ACTN1: variants seen among roughly 807,000 people sequenced by gnomAD.
The protein encoded by ACTN1 is alpha-actinin-1.
Under a neutral mutation model 119.6 loss-of-function variants are expected in ACTN1, and 30 were observed. The ratio of observed to expected loss-of-function variants is 0.25; its 90% CI spans 0.19 to 0.34. ACTN1 has a LOEUF of 0.34. Ranked by LOEUF, ACTN1 falls within the 10% of genes least tolerant of loss-of-function variation. The pLI, the probability that ACTN1 is intolerant of heterozygous loss-of-function variation, is 1.00. For synonymous variants in ACTN1, 429 were observed against 472.6 expected (o/e 0.91, Z 1.20); for missense variants, 764 against 1,223.4 (o/e 0.62, Z 5.60).
At chr14:68,929,858 TG>T (rs1239283056) in intron 1 of ACTN1, among the ~76,000 whole-genome samples, 1 of 152,086 alleles carries the variant, frequency 6.6e-6, no homozygotes, top group Admixed American at 6.6e-5. Context: ...AGTTTGAAGG[TG>T]GTTTGAGGAG....
chr14:68,916,396 T>TC (rs2034296349), intron 3 of ACTN1, among the ~76,000 whole-genome samples: 1 of 152,178 alleles, frequency 6.6e-6, no homozygotes, highest in South Asian at 2.1e-4. Flanking sequence ...TTATTCCTCT[T>TC]CTTCTTCCCC....
chr14:68,960,210 G>C (rs1005031373), intron 1 of ACTN1, among the ~76,000 whole-genome samples: 7 of 152,114 alleles, frequency 4.6e-5, no homozygotes, highest in African/African-American at 1.7e-4. Context: ...AGGCAGGAGA[G>C]GCAGGCACAG....
At chr14:68,893,843 G>T in intron 8 of ACTN1, 96 bp from the exon 9 acceptor site, 2 of 1,160,128 alleles carry the variant, frequency 1.7e-6, no homozygotes, top group Non-Finnish European at 2.5e-6. Context: ...CATCCCTGCA[G>T]CTCCCTGTGG....
At chr14:68,875,350 T>TA (rs1566583384) in intron 21 of ACTN1, among the ~76,000 whole-genome samples, 1 of 152,244 alleles carries the variant, frequency 6.6e-6, no homozygotes, top group Non-Finnish European at 1.5e-5. Context: ...TATCAGCAGA[T>TA]ACTCTGGTGG....
At position 68,909,925 on chromosome 14, in the gene ACTN1, T is replaced by C. The variant is rs2033902168; in HGVS notation, c.515+30A>G. On this transcript the variant is annotated intron_variant, in intron 5 of 21. Transcript: ENST00000394419. This position sits in a 1 kb window ranked among gnomAD's most constrained non-coding sequence, Gnocchi z 4.1. ...GCTCCCGGGGGAGGCAGCCTGGTTC[T>C]GTGAGAGCCCCTCAGACCCCAGCAC... The C allele has an allele frequency of 6.2e-7, 1 of 1,601,546 alleles. No individual in the cohort carries two copies. The highest frequency in any genetic ancestry group is 8.6e-7 in the Non-Finnish European group (1 of 1,169,200).
chr14:68,884,665 C>G (rs2031845314), intron 13 of ACTN1, 110 bp downstream of exon 13: 27 of 966,420 alleles, frequency 2.8e-5, no homozygotes, highest in Non-Finnish European at 4.2e-5. Flanking sequence ...TGGGGGAGGT[C>G]TGGGGAAGCC....
chr14:68,948,094 G>A (rs1333617884), intron 1 of ACTN1, among the ~76,000 whole-genome samples: 2 of 152,234 alleles, frequency 1.3e-5, no homozygotes, highest in Non-Finnish European at 2.9e-5. Context: ...CCTCTCCCAG[G>A]GGAGTAGGGC....
chr14:68,895,710 C>A (rs2032825238), intron 8 of ACTN1, among the ~76,000 whole-genome samples: 1 of 152,342 alleles, frequency 6.6e-6, no homozygotes, highest in Non-Finnish European at 1.5e-5. Flanking sequence ...GCCACCTTCA[C>A]CTTGTTACTC....
At position 68,880,849 on chromosome 14, in the gene ACTN1, C is replaced by T. The variant is rs745650223; in HGVS notation, c.2094G>A (p.Ala698=). The part of the protein sequence containing the change: ...LEGDHQLIQE[A]LIFDNKHTNY... ...TGGTGTGCTTGTTGTCGAAGATGAG[C>T]GCCTCCTGGATGAGCTGGTGGTCGC... The change falls in exon 17 of 22, where the codon GCG becomes GCA. Residue 698 remains alanine (A), a synonymous_variant. Coordinates refer to ENST00000394419, the MANE Select transcript of ACTN1 (RefSeq NM_001130004.2). The surrounding 1 kb of genome is among the most constrained non-coding windows in gnomAD (Gnocchi z 4.6). 18 of 1,614,032 alleles carry T rather than the reference C, an allele frequency of 1.1e-5. No homozygotes were observed. Among genetic ancestry groups the T allele is most frequent in the Middle Eastern group, 1.6e-4 (1 of 6,082 alleles).
chr14:68,929,709 T>G (rs547485162), intron 1 of ACTN1, among the ~76,000 whole-genome samples: 19 of 152,276 alleles, frequency 1.2e-4, no homozygotes, highest in African/African-American at 4.3e-4. Context: ...TGTTCCCCTC[T>G]CAGCAGCCCT....
At position 68,909,359 on chromosome 14, in the gene ACTN1, G is replaced by C. The variant is rs1268659963; in HGVS notation, c.553C>G (p.Arg185Gly). 1 of 1,613,916 alleles carries C rather than the reference G, an allele frequency of 6.2e-7. No individual in the cohort carries two copies. The highest frequency in any genetic ancestry group is 8.5e-7 in the Non-Finnish European group (1 of 1,179,996). The change falls in exon 6 of 22, where the codon CGA becomes GGA. Residue 185 changes from arginine (R) to glycine (G), a missense_variant. Arg to Gly is a moderately radical substitution (Grantham distance 125). Around this residue, in one of 4 missense-constraint regions of ACTN1, gnomAD observed 544 missense variants for 912.0 expected, o/e 0.60. Coordinates refer to ENST00000394419, the MANE Select transcript of ACTN1 (RefSeq NM_001130004.2). The surrounding 1 kb of genome is among the most constrained non-coding windows in gnomAD (Gnocchi z 4.1). ...TAGTCAATCAGCTCGGGCCGGTGTC[G>C]GTGGATCAAAGCACAGAAGCCGAGG... is the stretch of plus-strand genomic sequence containing the variant. ...DGLGFCALIH[R>G]HRPELIDYGK...
intron 1 of ACTN1, among the ~76,000 whole-genome samples, chr14:68,939,805 T>C (rs1405542070): frequency 6.6e-6 from 1 of 152,236 alleles, no homozygotes; most frequent in Non-Finnish European, 1.5e-5. Flanking sequence ...AATAAAGCTG[T>C]TATTTCTCTT....
chr14:68,947,525 C>T (rs1188301486), intron 1 of ACTN1: 1 of 152,312 alleles, frequency 6.6e-6, no homozygotes, highest in Admixed American at 6.5e-5. Context: ...CTTGCCTCCA[C>T]ACCAGTGCTG....
chr14:68,950,462 G>GTGTGTATATATGTGTGTGTATATATA, intron 1 of ACTN1, among the ~76,000 whole-genome samples: 2 of 125,906 alleles, frequency 1.6e-5, no homozygotes, highest in African/African-American at 8.2e-5. Flanking sequence ...ATGCGTGTGT[G>GTGTGTATATATGTGTGTGTATATATA]TATATATATA....
At chr14:68,876,710 T>C (rs1249900650) in intron 21 of ACTN1, among the ~76,000 whole-genome samples, 1 of 152,130 alleles carries the variant, frequency 6.6e-6, no homozygotes, top group Admixed American at 6.5e-5. Flanking sequence ...CCTGCTCCCA[T>C]TATAGTCCGT....
At chr14:68,975,443 T>C (rs2037028562) in intron 1 of ACTN1, among the ~76,000 whole-genome samples, 2 of 152,172 alleles carry the variant, frequency 1.3e-5, no homozygotes. Context: ...CTCTTTTTTA[T>C]AAGTAGGGAA....
At chr14:68,930,150 C>G (rs929181296) in intron 1 of ACTN1, among the ~76,000 whole-genome samples, 1 of 152,188 alleles carries the variant, frequency 6.6e-6, no homozygotes, top group African/African-American at 2.4e-5. Context: ...CCCCCAAGCT[C>G]AGACAGACAC....
At chr14:68,960,173 C>A (rs1222617690) in intron 1 of ACTN1, among the ~76,000 whole-genome samples, 2 of 151,596 alleles carry the variant, frequency 1.3e-5, no homozygotes, top group Non-Finnish European at 2.9e-5. Flanking sequence ...GTGGCAGAGG[C>A]AGAAGAGGTG....
At chr14:68,946,428 T>C (rs2035946315) in intron 1 of ACTN1, among the ~76,000 whole-genome samples, 1 of 152,098 alleles carries the variant, frequency 6.6e-6, no homozygotes. Context: ...CTTCCCTATC[T>C]GAACAAGGGA....
Sources: gnomAD v4.1 joint callset for allele counts (sites outside exome capture counted in the v4.1 genomes callset) on GRCh38, gnomAD v4.1.1 for gene constraint, gnomAD v4.1.1 regional missense constraint, Gnocchi (gnomAD v3.1) non-coding constraint, MANE v1.5 for transcripts, NCBI Gene and HGNC (gene_info 2026-07-23, HGNC 2026-07-21) for gene names.